The following SCMH1 variants were observed in gnomAD, a reference collection of about 807,000 sequenced individuals.
The protein encoded by SCMH1 is polycomb protein SCMH1.
Under a neutral mutation model 70.8 loss-of-function variants are expected in SCMH1, and 37 were observed. The observed-to-expected ratio is 0.52, with a 90% CI of 0.40 to 0.69. SCMH1 has a LOEUF of 0.69. Among genes scored for constraint, SCMH1 ranks in the 30% least tolerant of loss-of-function variants. SCMH1 has a pLI of 0.00. For synonymous variants in SCMH1, 292 were observed against 307.4 expected, an observed-to-expected ratio of 0.95 and a Z score of 0.52; for missense variants, 607 against 827.3, an observed-to-expected ratio of 0.73 and a Z score of 3.27.
intron 10 of SCMH1, among the ~76,000 whole-genome samples, chr1:41,068,454 G>A (rs2802553): frequency 0.032 from 4,912 of 152,216 alleles, 118 homozygotes; most frequent in East Asian, 0.096. Flanking sequence ...CACCTAGGCT[G>A]GAGTGCACTG....
At chr1:41,204,004 C>T (rs368761461) in intron 1 of SCMH1, among the ~76,000 whole-genome samples, 4 of 152,120 alleles carry the variant, frequency 2.6e-5, no homozygotes, top group Non-Finnish European at 5.9e-5. Flanking sequence ...TCTCCCCGAC[C>T]GAGCTGGTCT....
intron 12 of SCMH1, among the ~76,000 whole-genome samples, chr1:41,045,327 CCA>C (rs148093956): frequency 1.1e-3 from 162 of 152,256 alleles, no homozygotes; most frequent in African/African-American, 3.7e-3. Context: ...GGTCTGGCCC[CCA>C]CAGAGTATTT....
chr1:41,201,650 G>T (rs1654376452), intron 1 of SCMH1, among the ~76,000 whole-genome samples: 1 of 152,128 alleles, frequency 6.6e-6, no homozygotes, highest in Non-Finnish European at 1.5e-5. Flanking sequence ...ACCAACAAGG[G>T]GCTTCCAGTG....
chr1:41,066,771 TGG>T (rs1186310610), intron 10 of SCMH1, among the ~76,000 whole-genome samples: 2 of 152,010 alleles, frequency 1.3e-5, no homozygotes, highest in Non-Finnish European at 2.9e-5. Context: ...GTATTTTTAG[TGG>T]AGATAGGGGT....
At chr1:41,218,770 A>G (rs1658627237) in intron 1 of SCMH1, among the ~76,000 whole-genome samples, 1 of 152,238 alleles carries the variant, frequency 6.6e-6, no homozygotes, top group Non-Finnish European at 1.5e-5. Context: ...CATGAGGAAA[A>G]GAAATAACTT....
chr1:41,210,028 A>G (rs530720470), intron 1 of SCMH1, among the ~76,000 whole-genome samples: 1 of 152,346 alleles, frequency 6.6e-6, no homozygotes, highest in South Asian at 2.1e-4. Flanking sequence ...AGGATACAAA[A>G]TCAATGTGCA....
At chr1:41,119,908 G>A (rs907922070) in intron 6 of SCMH1, among the ~76,000 whole-genome samples, 6 of 151,918 alleles carry the variant, frequency 3.9e-5, no homozygotes, top group African/African-American at 1.2e-4. Context: ...CTCTTCTTTT[G>A]ACAATGGTTT....
intron 5 of SCMH1, among the ~76,000 whole-genome samples, chr1:41,148,831 C>T (rs749822325): frequency 1.3e-5 from 2 of 152,100 alleles, no homozygotes; most frequent in Non-Finnish European, 1.5e-5. Context: ...CGCTCTGTCG[C>T]CCAGGCTGCA....
chr1:41,031,591 G>A (rs1160711116), intron 13 of SCMH1, among the ~76,000 whole-genome samples: 5 of 152,200 alleles, frequency 3.3e-5, no homozygotes, highest in Non-Finnish European at 7.3e-5. Context: ...AAATCCCAGT[G>A]GCTTTTTGGA....
At chr1:41,185,636 A>ATTTT (rs35853628) in intron 2 of SCMH1, among the ~76,000 whole-genome samples, 1 of 139,786 alleles carries the variant, frequency 7.2e-6, no homozygotes, top group Non-Finnish European at 1.6e-5. Flanking sequence ...ATTGTTACAG[A>ATTTT]TTTTTTTTTT....
intron 11 of SCMH1, among the ~76,000 whole-genome samples, chr1:41,047,372 T>C (rs2148688470): frequency 6.6e-6 from 1 of 150,882 alleles, no homozygotes; most frequent in Admixed American, 6.6e-5. Flanking sequence ...TAAGGCTTAA[T>C]TTCCCAGGCA....
intron 8 of SCMH1, among the ~76,000 whole-genome samples, chr1:41,082,233 G>A (rs562547176): frequency 4.7e-5 from 7 of 149,744 alleles, no homozygotes; most frequent in African/African-American, 1.7e-4. Context: ...TTAAGAAAAT[G>A]AAAAAAAGCA....
At chr1:41,216,905 G>T (rs1237943560) in intron 1 of SCMH1, among the ~76,000 whole-genome samples, 1 of 152,134 alleles carries the variant, frequency 6.6e-6, no homozygotes, top group Non-Finnish European at 1.5e-5. Context: ...CAAAATCAAG[G>T]TGTTGGTAGA....
intron 1 of SCMH1, among the ~76,000 whole-genome samples, chr1:41,237,834 C>A (rs1662700303): frequency 6.6e-6 from 1 of 152,136 alleles, no homozygotes; most frequent in South Asian, 2.1e-4. Flanking sequence ...CTACTACCTC[C>A]CTTAGAGTAC....
intron 8 of SCMH1, among the ~76,000 whole-genome samples, chr1:41,080,090 T>TA (rs1296888216): frequency 1.3e-5 from 2 of 152,130 alleles, no homozygotes; most frequent in Middle Eastern, 3.4e-3. Context: ...TTATGATTTT[T>TA]AAAAAATCTG....
At chr1:41,043,126 C>T (rs1460451653) in intron 12 of SCMH1, 1 of 152,200 alleles carries the variant, frequency 6.6e-6, no homozygotes, top group Non-Finnish European at 1.5e-5. Context: ...CGGAGTCTCA[C>T]TCTGTTGCTC....
rs188318646 is a variant in SCMH1 at position 41,058,335 on chromosome 1, A to G, written c.1106-9445T>C. On this transcript the variant is annotated intron_variant, in intron 10 of 14. Transcript: ENST00000337495. ...CCACAGACACATCTGTGACTGTTCC[A>G]AAGAGGCTTTCAGGATTTTAGTATT... 3.3e-4 allele frequency among the ~76,000 whole-genome samples: 49 copies of G among 147,948 alleles called. 1 individual carries two copies. Among genetic ancestry groups the G allele is most frequent in the Non-Finnish European group, 2.4e-4 (16 of 67,412 alleles).
At chr1:41,093,774 T>A (rs543665964) in intron 8 of SCMH1, among the ~76,000 whole-genome samples, 1 of 152,338 alleles carries the variant, frequency 6.6e-6, no homozygotes, top group African/African-American at 2.4e-5. Flanking sequence ...CACAATCTCA[T>A]CAGAAAAGTC....
At chr1:41,164,336 T>C (rs1055597366) in intron 2 of SCMH1, among the ~76,000 whole-genome samples, 1 of 152,032 alleles carries the variant, frequency 6.6e-6, no homozygotes, top group African/African-American at 2.4e-5. Flanking sequence ...CATACCACAT[T>C]TCTACACTAT....
Sources: gnomAD v4.1 joint callset for allele counts (sites outside exome capture counted in the v4.1 genomes callset) on GRCh38, gnomAD v4.1.1 for gene constraint, MANE v1.5 for transcripts, NCBI Gene and HGNC (gene_info 2026-07-23, HGNC 2026-07-21) for gene names.